LIMK2: variants seen among roughly 807,000 people sequenced by gnomAD.
The protein encoded by LIMK2 is LIM domain kinase 2.
A neutral mutation model predicts 75.7 loss-of-function variants in LIMK2; 35 were observed. The ratio of observed to expected loss-of-function variants is 0.46; its 90% CI spans 0.35 to 0.61. The LOEUF is 0.61. Among genes scored for constraint, LIMK2 ranks in the 20% least tolerant of loss-of-function variants. The probability of loss-of-function intolerance (pLI) is 0.00; values close to 1 mark genes in which losing one functional copy is unlikely to be tolerated. For missense variants in LIMK2, 623 were observed against 831.0 expected (o/e 0.75, Z 3.08); for synonymous variants, 301 against 319.2 (o/e 0.94, Z 0.61).
chr22:31,277,431 AAAT>A lies in LIMK2; in HGVS notation c.1773-865_1773-863del, dbSNP rs1418508330. 1.1e-5 allele frequency: 13 copies of A among 1,181,524 alleles called. No individual in the cohort carries two copies. The African/African-American group carries it at 1.6e-4, about 15-fold the overall frequency. 73.2% of individuals were successfully genotyped at this position (1,181,524 alleles called of 1,614,324 possible). On this transcript the variant is annotated intron_variant, in intron 15 of 15. Coordinates refer to ENST00000331728, the MANE Select transcript of LIMK2 (RefSeq NM_005569.4). ...TGGTGCAGCTCAAAAAAAAAAAAAA[AAAT>A]GATTTCCAGCGGTCCACATTAGAGT... is the stretch of plus-strand genomic sequence containing the variant.
intron 11 of LIMK2, among the ~76,000 whole-genome samples, chr22:31,270,608 T>C (rs1346302391): frequency 6.6e-6 from 1 of 151,990 alleles, no homozygotes; most frequent in African/African-American, 2.4e-5. Context: ...TTGACAAACA[T>C]TTTGGTAGGA....
chr22:31,240,588 T>A (rs541224385), intron 2 of LIMK2, among the ~76,000 whole-genome samples: 1 of 152,204 alleles, frequency 6.6e-6, no homozygotes, highest in African/African-American at 2.4e-5. Flanking sequence ...CACTCCTGGC[T>A]AATTTTATGT....
At chr22:31,253,528 C>T (rs1467063925) in intron 2 of LIMK2, among the ~76,000 whole-genome samples, 1 of 152,240 alleles carries the variant, frequency 6.6e-6, no homozygotes, top group African/African-American at 2.4e-5. Flanking sequence ...AGAAGCATCA[C>T]GAAGTGTTAA....
chr22:31,278,273 C>G, intron 15 of LIMK2, 24 bp from the exon 16 acceptor site: 1 of 1,599,146 alleles, frequency 6.3e-7, no homozygotes, highest in Non-Finnish European at 8.5e-7. Context: ...CCACCTGCCT[C>G]TAATTTACCT....
In LIMK2 at chr22:31,262,747, C is replaced by T. The variant is rs2048853918; in HGVS notation, c.810C>T (p.Asp270=). 1 of 1,613,668 alleles carries T rather than the reference C, an allele frequency of 6.2e-7. No homozygotes were observed. The highest frequency in any genetic ancestry group is 1.7e-5 in the Admixed American group (1 of 59,946). Residue 270 remains aspartate (D), a synonymous_variant, in exon 7 of 16, where the codon GAC becomes GAT. Transcript: ENST00000331728. This position sits in a 1 kb window ranked among gnomAD's most constrained non-coding sequence, Gnocchi z 5.0. The part of the protein sequence containing the change: ...AGHPHALSTL[D]TKENLEGTLR... Reference sequence around the variant, plus strand: ...ACCCCCACGCCCTCAGCACCCTGGACACCAAGGAGAATCTGGAGGGGACAC... The same window carrying T: ...ACCCCCACGCCCTCAGCACCCTGGATACCAAGGAGAATCTGGAGGGGACAC...
intron 2 of LIMK2, among the ~76,000 whole-genome samples, chr22:31,254,100 G>A (rs980792813): frequency 2.6e-5 from 4 of 152,242 alleles, no homozygotes; most frequent in South Asian, 2.1e-4. Flanking sequence ...GACTGGTGAC[G>A]TTGCTCTCCA....
chr22:31,213,075 A>G (rs1295474444), intron 1 of LIMK2, among the ~76,000 whole-genome samples: 1 of 152,106 alleles, frequency 6.6e-6, no homozygotes, highest in Non-Finnish European at 1.5e-5. Flanking sequence ...TGGGGCCCAA[A>G]GATCTCTGCT....
chr22:31,274,557 C>G (rs1442872981), intron 14 of LIMK2, among the ~76,000 whole-genome samples: 1 of 151,950 alleles, frequency 6.6e-6, no homozygotes, highest in African/African-American at 2.4e-5. Flanking sequence ...TGCGCCACCA[C>G]GCCTGGCTAA....
At chr22:31,236,795 T>G (rs1163814812) in intron 2 of LIMK2, among the ~76,000 whole-genome samples, 5 of 151,228 alleles carry the variant, frequency 3.3e-5, no homozygotes, top group Non-Finnish European at 7.4e-5. Flanking sequence ...GCTCCTGTAG[T>G]CCCAGCTACT....
At position 31,256,336 on chromosome 22, in the gene LIMK2, G is replaced by A. The variant is rs2048781560; in HGVS notation, c.117-1955G>A. On this transcript the variant is annotated intron_variant, in intron 2 of 15. Coordinates refer to ENST00000331728, the MANE Select transcript of LIMK2 (RefSeq NM_005569.4). Reference sequence around the variant, plus strand: ...TATATAAGCTATCTCTAGCTAGCTAGCTAGCTAGCTATAATGTTTTTTGAG... The same window carrying A: ...TATATAAGCTATCTCTAGCTAGCTAACTAGCTAGCTATAATGTTTTTTGAG... 1.3e-5 allele frequency among the ~76,000 whole-genome samples: 2 copies of A among 148,668 alleles called. 1 individual carries two copies. Among genetic ancestry groups the A allele is most frequent in the Non-Finnish European group, 3.0e-5 (2 of 67,332 alleles).
intron 2 of LIMK2, among the ~76,000 whole-genome samples, chr22:31,229,452 T>C (rs1177681323): frequency 6.6e-6 from 1 of 152,110 alleles, no homozygotes; most frequent in Non-Finnish European, 1.5e-5. Flanking sequence ...TCAACCTGAA[T>C]GGTCTTGTAA....
intron 2 of LIMK2, among the ~76,000 whole-genome samples, chr22:31,238,735 A>G (rs887151333): frequency 6.6e-6 from 1 of 152,182 alleles, no homozygotes; most frequent in African/African-American, 2.4e-5. Flanking sequence ...CCTTCCTTTT[A>G]CAGAGGAAGA....
chr22:31,259,186 G>A lies in LIMK2; in HGVS notation c.318G>A (p.Glu106=). The A allele has an allele frequency of 6.2e-7, 1 of 1,613,720 alleles. No individual in the cohort carries two copies. Among genetic ancestry groups the A allele is most frequent in the Non-Finnish European group, 8.5e-7 (1 of 1,179,660 alleles). The change falls in exon 4 of 16, where the codon GAG becomes GAA. Residue 106 remains glutamate, a synonymous_variant. Coordinates refer to ENST00000331728, the MANE Select transcript of LIMK2 (RefSeq NM_005569.4). ...FACMSCKVII[E]DGDAYALVQH... ...GTATGAGCTGCAAGGTGATCATTGA[G>A]GATGGGGATGCATATGCACTGGTGC...
Position 31,272,710 on chromosome 22 carries a change from TC to T in LIMK2, c.1558+8del. ...GGCCCCTGAGATGCTGAACGGTGAGTCCTGAAGCCCTGGAGGGGACACCCGC... is the reference window on the plus strand; with the variant it reads ...GGCCCCTGAGATGCTGAACGGTGAGTCTGAAGCCCTGGAGGGGACACCCGC... On this transcript the variant is annotated splice_region_variant and intron_variant, in intron 13 of 15. Transcript: ENST00000331728. 1 of 1,589,342 alleles carries T rather than the reference TC, an allele frequency of 6.3e-7. No homozygotes were observed. Among genetic ancestry groups the T allele is most frequent in the Non-Finnish European group, 8.6e-7 (1 of 1,168,122 alleles).
intron 15 of LIMK2, chr22:31,276,906 C>T (rs1481145318): frequency 1.2e-6 from 2 of 1,613,276 alleles, no homozygotes; most frequent in Admixed American, 1.7e-5. Flanking sequence ...AGCACCTCAA[C>T]CTAGAGGAGT....
intron 1 of LIMK2, among the ~76,000 whole-genome samples, chr22:31,220,614 G>C (rs934052840): frequency 2.6e-5 from 4 of 152,194 alleles, no homozygotes; most frequent in African/African-American, 9.7e-5. Context: ...AATAGGTATA[G>C]ACAAAATGAA....
At chr22:31,276,583 C>T (rs924977007) in intron 15 of LIMK2, among the ~76,000 whole-genome samples, 31 of 146,222 alleles carry the variant, frequency 2.1e-4, no homozygotes, top group African/African-American at 7.3e-4. Context: ...CCCCCGCCGC[C>T]GCCCTCGCCG....
intron 2 of LIMK2, among the ~76,000 whole-genome samples, chr22:31,246,506 C>A (rs185513336): frequency 2.0e-5 from 3 of 152,176 alleles, no homozygotes; most frequent in African/African-American, 7.2e-5. Context: ...GTCTGTATGG[C>A]CTGCAGAGCC....
intron 2 of LIMK2, among the ~76,000 whole-genome samples, chr22:31,227,670 T>G (rs1242986807): frequency 6.6e-6 from 1 of 152,208 alleles, no homozygotes; most frequent in Non-Finnish European, 1.5e-5. Flanking sequence ...TAGCTGGGAC[T>G]AATAAGTAAC....
Sources: allele counts gnomAD v4.1 joint callset (sites outside exome capture counted in the v4.1 genomes callset), GRCh38; gene constraint gnomAD v4.1.1; non-coding constraint Gnocchi (gnomAD v3.1); transcripts MANE v1.5; gene names NCBI Gene and HGNC (gene_info 2026-07-23, HGNC 2026-07-21).